TNNI3K: variants seen among roughly 807,000 people sequenced by gnomAD.
TNNI3K encodes the protein TNNI3 interacting kinase.
A neutral mutation model predicts 114.5 loss-of-function variants in TNNI3K; 140 were observed. That is an observed-to-expected ratio of 1.22 (90% confidence interval 1.07 to 1.41). TNNI3K has a LOEUF of 1.41. TNNI3K is among the 40% of genes most tolerant of loss of function. The pLI, the probability that TNNI3K is intolerant of heterozygous loss-of-function variation, is 0.00. For synonymous variants in TNNI3K, 347 were observed against 347.5 expected, an observed-to-expected ratio of 1.00 and a Z score of 0.02; for missense variants, 1,125 against 1,007.6, an observed-to-expected ratio of 1.12 and a Z score of -1.58.
At chr1:74,521,650 TCA>T (rs1423071990) in intron 23 of TNNI3K, among the ~76,000 whole-genome samples, 1 of 151,994 alleles carries the variant, frequency 6.6e-6, no homozygotes, top group Non-Finnish European at 1.5e-5. Context: ...AGCATGGAGG[TCA>T]CAGTGATCAG....
chr1:74,395,973 T>C (rs957511312), intron 17 of TNNI3K, among the ~76,000 whole-genome samples: 5 of 152,170 alleles, frequency 3.3e-5, no homozygotes, highest in African/African-American at 1.2e-4. Flanking sequence ...AAGCTTTAAT[T>C]CTTTATGTGA....
chr1:74,341,305 G>A lies in TNNI3K; in HGVS notation c.683-1537G>A, dbSNP rs138158445. ...AGCTTTGGACACAGCAAATTTCTAA[G>A]ATGGACATTAGTAAAAAGGTTAAGT... On this transcript the variant is annotated intron_variant, in intron 7 of 24. Coordinates refer to ENST00000326637, the MANE Select transcript of TNNI3K (RefSeq NM_015978.3). 1.1e-4 allele frequency among the ~76,000 whole-genome samples: 17 copies of A among 152,260 alleles called. No individual in the cohort carries two copies. The East Asian group carries it at 3.3e-3, about 29-fold the overall frequency.
chr1:74,382,220 GTTCT>G (rs765816619), intron 17 of TNNI3K, among the ~76,000 whole-genome samples: 24 of 152,108 alleles, frequency 1.6e-4, no homozygotes, highest in Non-Finnish European at 2.4e-4. Flanking sequence ...TTCTATTCAT[GTTCT>G]TACTGTGTTG....
intron 4 of TNNI3K, among the ~76,000 whole-genome samples, chr1:74,264,837 C>T (rs112785911): frequency 1.6e-3 from 248 of 152,098 alleles, no homozygotes; most frequent in African/African-American, 5.6e-3. Context: ...GGGGGTGATA[C>T]ATTTAATATG....
chr1:74,397,684 C>G (rs1025294878), intron 17 of TNNI3K, among the ~76,000 whole-genome samples: 5 of 152,126 alleles, frequency 3.3e-5, no homozygotes. Context: ...TAGAGCAAAC[C>G]TTAAAGAAAC....
At chr1:74,258,703 A>G (rs1208886419) in intron 4 of TNNI3K, among the ~76,000 whole-genome samples, 2 of 152,160 alleles carry the variant, frequency 1.3e-5, no homozygotes, top group Non-Finnish European at 2.9e-5. Flanking sequence ...ACTCCTAAAT[A>G]TGAGACTCAA....
At chr1:74,330,939 A>G (rs1660167955) in intron 5 of TNNI3K, among the ~76,000 whole-genome samples, 2 of 152,202 alleles carry the variant, frequency 1.3e-5, no homozygotes, top group South Asian at 2.1e-4. Flanking sequence ...AGGTATGTAT[A>G]TAAATAGAAA....
intron 4 of TNNI3K, among the ~76,000 whole-genome samples, chr1:74,263,381 A>T (rs1023421206): frequency 6.6e-6 from 1 of 152,052 alleles, no homozygotes; most frequent in South Asian, 2.1e-4. Flanking sequence ...GACCAGATCC[A>T]AGTTGCTTAT....
intron 21 of TNNI3K, chr1:74,472,006 T>C (rs1342180407): frequency 1.5e-6 from 1 of 680,406 alleles, no homozygotes; most frequent in African/African-American, 1.8e-5. Flanking sequence ...CTTTTGTACA[T>C]AGTGTTCCTC....
chr1:74,515,167 G>C (rs2100393830), intron 23 of TNNI3K, among the ~76,000 whole-genome samples: 1 of 152,230 alleles, frequency 6.6e-6, no homozygotes, highest in Admixed American at 6.5e-5. Flanking sequence ...ATACATTTCT[G>C]TTGTTTGAAG....
At chr1:74,457,334 A>G (rs917115065) in intron 20 of TNNI3K, among the ~76,000 whole-genome samples, 5 of 152,220 alleles carry the variant, frequency 3.3e-5, no homozygotes, top group African/African-American at 9.6e-5. Flanking sequence ...AAATTAATCT[A>G]TTCTTCTGAC....
intron 4 of TNNI3K, among the ~76,000 whole-genome samples, chr1:74,269,791 G>T (rs1365649892): frequency 6.6e-6 from 1 of 151,790 alleles, no homozygotes; most frequent in Non-Finnish European, 1.5e-5. Flanking sequence ...AGAGAAGTCA[G>T]GACCAAAGAT....
At chr1:74,515,010 TA>T (rs1433338195) in intron 23 of TNNI3K, among the ~76,000 whole-genome samples, 2 of 152,092 alleles carry the variant, frequency 1.3e-5, no homozygotes, top group African/African-American at 4.8e-5. Flanking sequence ...TGAAGTGCTC[TA>T]CCTAGAAGCC....
At chr1:74,342,404 C>G (rs1353803530) in intron 7 of TNNI3K, among the ~76,000 whole-genome samples, 1 of 152,096 alleles carries the variant, frequency 6.6e-6, no homozygotes, top group Non-Finnish European at 1.5e-5. Flanking sequence ...TGTAAACATA[C>G]AGATTGTGGG....
In TNNI3K at chr1:74,323,851, A is replaced by G. The variant is rs115315107; in HGVS notation, c.445-7599A>G. On this transcript the variant is annotated intron_variant, in intron 5 of 24. Transcript: ENST00000326637. ...GAAACAAAGGAGAACAAAAGGAAACACAAATGTCAGTGAGGAAAAGCAACA... is the reference window on the plus strand; with the variant it reads ...GAAACAAAGGAGAACAAAAGGAAACGCAAATGTCAGTGAGGAAAAGCAACA... Among the ~76,000 whole-genome samples, 1,330 of 152,342 alleles carry G rather than the reference A, an allele frequency of 8.7e-3. 12 individuals are homozygous for G. Among genetic ancestry groups the G allele is most frequent in the Admixed American group, 0.016 (246 of 15,298 alleles).
rs1225804729 is a variant in TNNI3K at position 74,467,079 on chromosome 1, G to C, written c.2121+3529G>C. 5.5e-4 allele frequency among the ~76,000 whole-genome samples: 83 copies of C among 152,172 alleles called. 2 individuals are homozygous for C. Among genetic ancestry groups the C allele is most frequent in the Non-Finnish European group, 1.0e-4 (7 of 68,028 alleles). ...AGGCTTCCCAAAAAGAGTAACACTT[G>C]AGCTGAGGCCATAAACAGTAGTTTT... On this transcript the variant is annotated intron_variant, in intron 21 of 24. Coordinates refer to ENST00000326637, the MANE Select transcript of TNNI3K (RefSeq NM_015978.3).
chr1:74,254,962 C>G (rs1313832462), intron 4 of TNNI3K, among the ~76,000 whole-genome samples: 1 of 151,966 alleles, frequency 6.6e-6, no homozygotes, highest in African/African-American at 2.4e-5. Context: ...TTGCAAGAAT[C>G]GATATTATTA....
At chr1:74,486,124 T>C (rs896394006) in intron 21 of TNNI3K, among the ~76,000 whole-genome samples, 1 of 151,676 alleles carries the variant, frequency 6.6e-6, no homozygotes, top group African/African-American at 2.4e-5. Context: ...CCTCTGTTCC[T>C]TCAAACAAGC....
At chr1:74,353,765 A>C (rs879044214) in intron 10 of TNNI3K, among the ~76,000 whole-genome samples, 1 of 152,230 alleles carries the variant, frequency 6.6e-6, no homozygotes, top group African/African-American at 2.4e-5. Context: ...AGGAAAAGAC[A>C]GTCTCTGTAG....
Sources: allele counts gnomAD v4.1 joint callset (sites outside exome capture counted in the v4.1 genomes callset), GRCh38; gene constraint gnomAD v4.1.1; transcripts MANE v1.5; gene names NCBI Gene and HGNC (gene_info 2026-07-23, HGNC 2026-07-21).